ZFP62: variants seen among roughly 807,000 people sequenced by gnomAD.
ZFP62 encodes the protein ZFP62 zinc finger protein.
ZFP62 carries 44 observed loss-of-function variants against 56.4 expected under a neutral mutation model. That is an observed-to-expected ratio of 0.78 (90% confidence interval 0.61 to 1.00). The LOEUF is 1.00. Ranked by LOEUF, ZFP62 falls within the 50% of genes least tolerant of loss-of-function variation. The pLI, the probability that ZFP62 is intolerant of heterozygous loss-of-function variation, is 0.00. For synonymous variants in ZFP62, 421 were observed against 388.9 expected, an observed-to-expected ratio of 1.08 and a Z score of -0.97; for missense variants, 1,030 against 1,085.7, an observed-to-expected ratio of 0.95 and a Z score of 0.72.
chr5:180,836,750 C>T, the ZFP62 span, among the ~76,000 whole-genome samples: 3 of 152,172 alleles, frequency 2.0e-5, no homozygotes, highest in African/African-American at 4.8e-5. Context: ...TCTGTGTTGT[C>T]ATTCCAGAGC....
chr5:180,860,093 T>C (rs186250149), intron 1 of ZFP62, among the ~76,000 whole-genome samples: 57 of 152,270 alleles, frequency 3.7e-4, no homozygotes, highest in Admixed American at 9.8e-4. Context: ...TTCTGACATG[T>C]AGAGACCAGT....
At chr5:180,860,324 A>C (rs1774233780) in intron 1 of ZFP62, among the ~76,000 whole-genome samples, 1 of 152,224 alleles carries the variant, frequency 6.6e-6, no homozygotes, top group Non-Finnish European at 1.5e-5. Flanking sequence ...TCCCAGCCAT[A>C]TGAATATATT....
Position 180,850,623 on chromosome 5 carries a change from C to A in ZFP62, c.872G>T (p.Ser291Ile), listed in dbSNP as rs1294644315. Residue 291 changes from serine to isoleucine, a missense_variant, in exon 2 of 2, where the codon AGT (serine) becomes ATT (isoleucine). Ser to Ile is a moderately radical substitution (Grantham distance 142). Transcript: ENST00000502412. ...ATGGACCCTAAGGCCAGAGCTGTTACTGAAGGTTTTCCCACAGATGTCGCA... is the reference window on the plus strand; with the variant it reads ...ATGGACCCTAAGGCCAGAGCTGTTAATGAAGGTTTTCCCACAGATGTCGCA... The part of the protein sequence containing the change: ...YECDICGKTF[S>I]NSSGLRVHKR... The A allele has an allele frequency of 6.4e-7, 1 of 1,571,746 alleles. No individual in the cohort carries two copies. The highest frequency in any genetic ancestry group is 1.4e-5 in the African/African-American group (1 of 73,480).
chr5:180,847,323 T>C (rs1312959977), downstream of ZFP62, among the ~76,000 whole-genome samples: 2 of 151,838 alleles, frequency 1.3e-5, no homozygotes, highest in African/African-American at 4.8e-5. Flanking sequence ...ATTCTACATG[T>C]TCCTGACAGA....
chr5:180,852,353 C>G (rs911387876), intron 1 of ZFP62, among the ~76,000 whole-genome samples: 1 of 152,024 alleles, frequency 6.6e-6, no homozygotes, highest in Non-Finnish European at 1.5e-5. Flanking sequence ...GTCAAGAGAT[C>G]GAGACCATCC....
chr5:180,856,849 G>A (rs1263570184), intron 1 of ZFP62, among the ~76,000 whole-genome samples: 1 of 151,284 alleles, frequency 6.6e-6, no homozygotes, highest in East Asian at 1.9e-4. Flanking sequence ...AGCTACTAGG[G>A]AGGCTGAGGC....
intron 1 of ZFP62, among the ~76,000 whole-genome samples, chr5:180,855,966 G>C (rs1477090555): frequency 4.6e-5 from 7 of 152,214 alleles, no homozygotes; most frequent in Non-Finnish European, 7.3e-5. Flanking sequence ...AGCCGCCTGT[G>C]CAACTGTCAA....
At chr5:180,856,579 G>A (rs942911834) in intron 1 of ZFP62, among the ~76,000 whole-genome samples, 2 of 152,148 alleles carry the variant, frequency 1.3e-5, no homozygotes, top group African/African-American at 2.4e-5. Flanking sequence ...CCTATCCAAA[G>A]ACATGGATAT....
rs981014906 is a variant in ZFP62 at position 180,850,091 on chromosome 5, C to G, written c.1404G>C (p.Arg468Ser). The change falls in exon 2 of 2, where the codon AGG (arginine) becomes AGC (serine). Residue 468 changes from arginine to serine, a missense_variant. Physicochemically the swap from Arg to Ser is moderately radical, Grantham distance 110 (BLOSUM62 -1). Coordinates refer to ENST00000502412, the MANE Select transcript of ZFP62 (RefSeq NM_001172638.2). ...FRNNAGLKVHRRLHTGEKPYK... is the reference protein window; with the variant it reads ...FRNNAGLKVHSRLHTGEKPYK... ...ATGGTTTTTCCCCAGTATGGAGCCTCCTGTGGACTTTGAGGCCTGCATTGT... is the reference window on the plus strand; with the variant it reads ...ATGGTTTTTCCCCAGTATGGAGCCTGCTGTGGACTTTGAGGCCTGCATTGT... The G allele has an allele frequency of 8.4e-6, 13 of 1,551,534 alleles. No individual in the cohort carries two copies. The African/African-American group carries it at 1.8e-4, about 21-fold the overall frequency.
chr5:180,859,078 G>GCCA (rs1287503687), intron 1 of ZFP62, among the ~76,000 whole-genome samples: 1 of 152,160 alleles, frequency 6.6e-6, no homozygotes, highest in African/African-American at 2.4e-5. Flanking sequence ...AGACTCAGGA[G>GCCA]CCACTTTTCA....
At chr5:180,835,614 TTAACA>T in the ZFP62 span, 1 of 152,188 alleles carries the variant, frequency 6.6e-6, no homozygotes, top group African/African-American at 2.4e-5. Flanking sequence ...TAAAAATGAG[TTAACA>T]TAAGTAAAAC....
the ZFP62 span, among the ~76,000 whole-genome samples, chr5:180,842,322 C>T: frequency 6.6e-6 from 1 of 152,058 alleles, no homozygotes; most frequent in East Asian, 1.9e-4. Context: ...TCTGAGCACA[C>T]AATGGCTGAG....
chr5:180,845,202 C>T (rs593787), downstream of ZFP62, among the ~76,000 whole-genome samples: 21 of 151,830 alleles, frequency 1.4e-4, no homozygotes, highest in African/African-American at 4.8e-4. Context: ...GGCATGGTGG[C>T]GCATGCCTGT....
At chr5:180,828,846 T>C in the ZFP62 span, among the ~76,000 whole-genome samples, 7,513 of 152,284 alleles carry the variant, frequency 0.049, 572 homozygotes, top group African/African-American at 0.16. Flanking sequence ...GGGAAGATAT[T>C]GCTGAATTCT....
In ZFP62 at chr5:180,849,998, G is replaced by T; in HGVS notation, c.1497C>A (p.His499Gln). The T allele has an allele frequency of 6.4e-7, 1 of 1,551,676 alleles. No homozygotes were observed. The highest frequency in any genetic ancestry group is 1.7e-4 in the Middle Eastern group (1 of 5,992). ...RSSLKNHKGI[H>Q]LGEKPYKCSY... ...TACATTTATAGGGCTTCTCCCCAAGGTGGATTCCTTTGTGATTTTTAAGGC... is the reference window on the plus strand; with the variant it reads ...TACATTTATAGGGCTTCTCCCCAAGTTGGATTCCTTTGTGATTTTTAAGGC... Residue 499 changes from histidine (H) to glutamine (Q), a missense_variant, in exon 2 of 2, where the codon CAC becomes CAA. By Grantham distance (24) the His-to-Gln change is conservative. Coordinates refer to ENST00000502412, the MANE Select transcript of ZFP62 (RefSeq NM_001172638.2).
intron 1 of ZFP62, among the ~76,000 whole-genome samples, chr5:180,858,106 A>AG (rs1447609629): frequency 0.01 from 1,526 of 149,120 alleles, 31 homozygotes; most frequent in African/African-American, 0.033. Context: ...AAAAAAAAAA[A>AG]ATTAGCTGGG....
rs1269964151 is a variant in ZFP62, at chr5:180,848,491, ATC to A, written c.*299_*300del. ...AACTTCTAATTGAAGCCCTTTCCTC[ATC>A]TGTGTTTTATGTCCAGAAATGTCTA... On this transcript the variant is annotated 3_prime_UTR_variant, in exon 2 of 2. Coordinates refer to ENST00000502412, the MANE Select transcript of ZFP62 (RefSeq NM_001172638.2). 34 of 1,097,402 alleles carry A rather than the reference ATC, an allele frequency of 3.1e-5. No homozygotes were observed. Among genetic ancestry groups the A allele is most frequent in the Non-Finnish European group, 3.8e-5 (34 of 901,642 alleles). The allele number at this position is 1,097,402 out of a possible 1,614,324, so 68.0% of individuals were successfully genotyped here. A position where few individuals can be genotyped will look rare whatever the true frequency, so the allele number is the denominator to read the frequency against.
the ZFP62 span, chr5:180,834,261 CTTAT>C: frequency 1.3e-5 from 2 of 152,220 alleles, no homozygotes; most frequent in Non-Finnish European, 2.9e-5. Context: ...GATGGAAAGA[CTTAT>C]TTATGTATTG....
At chr5:180,837,249 T>C in the ZFP62 span, among the ~76,000 whole-genome samples, 8 of 152,386 alleles carry the variant, frequency 5.2e-5, no homozygotes, top group East Asian at 7.7e-4. Context: ...GCAGTGACTC[T>C]ACCTGCGTCC....
Sources: allele counts gnomAD v4.1 joint callset (sites outside exome capture counted in the v4.1 genomes callset), GRCh38; gene constraint gnomAD v4.1.1; transcripts MANE v1.5; gene names NCBI Gene and HGNC (gene_info 2026-07-23, HGNC 2026-07-21).